The following SLCO2A1 variants were observed in gnomAD, a reference collection of about 807,000 sequenced individuals.
SLCO2A1 encodes the protein matrin F/G 1.
In SLCO2A1, 60 loss-of-function variants were observed where a neutral mutation model predicts 71.7. The ratio of observed to expected loss-of-function variants is 0.84; its 90% CI spans 0.68 to 1.04. The LOEUF is 1.04. Among genes scored for constraint, SLCO2A1 ranks in the 50% least tolerant of loss-of-function variants. The pLI, the probability that SLCO2A1 is intolerant of heterozygous loss-of-function variation, is 0.00. For missense variants in SLCO2A1, 745 were observed against 813.4 expected (o/e 0.92, Z 1.02); for synonymous variants, 308 against 326.7 (o/e 0.94, Z 0.62).
chr3:134,000,521 G>A (rs1275621461), intron 1 of SLCO2A1, among the ~76,000 whole-genome samples: 2 of 151,980 alleles, frequency 1.3e-5, no homozygotes, highest in South Asian at 2.1e-4. Flanking sequence ...TGGGGAAGGC[G>A]GTGCAGGGAG....
chr3:133,968,989 T>G (rs1934260342), intron 3 of SLCO2A1, among the ~76,000 whole-genome samples: 1 of 152,170 alleles, frequency 6.6e-6, no homozygotes, highest in South Asian at 2.1e-4. Flanking sequence ...CTTCTTTAAC[T>G]TTTTTTTCCT....
At chr3:133,997,816 A>G (rs1395423950) in intron 1 of SLCO2A1, among the ~76,000 whole-genome samples, 1 of 152,246 alleles carries the variant, frequency 6.6e-6, no homozygotes, top group African/African-American at 2.4e-5. Context: ...TTGTTGAGAG[A>G]CCTGAATTTG....
chr3:133,973,565 C>T, intron 3 of SLCO2A1, 98 bp downstream of exon 3: 2 of 1,272,968 alleles, frequency 1.6e-6, no homozygotes, highest in Non-Finnish European at 2.2e-6. Flanking sequence ...ATGCCCTCTT[C>T]CTGGAGTGGT....
chr3:134,008,262 T>C (rs997940114), intron 1 of SLCO2A1, among the ~76,000 whole-genome samples: 1 of 152,222 alleles, frequency 6.6e-6, no homozygotes, highest in African/African-American at 2.4e-5. Context: ...CTTTGTGACT[T>C]TGTATTTATT....
intron 3 of SLCO2A1, among the ~76,000 whole-genome samples, chr3:133,961,903 A>G (rs1934045437): frequency 6.6e-6 from 1 of 152,138 alleles, no homozygotes; most frequent in Non-Finnish European, 1.5e-5. Context: ...GGTCAGTGCT[A>G]TCAGAGAAGC....
chr3:133,993,526 T>C (rs1458070834), intron 1 of SLCO2A1, among the ~76,000 whole-genome samples: 5 of 152,298 alleles, frequency 3.3e-5, no homozygotes, highest in Non-Finnish European at 7.3e-5. Context: ...TGAGACAAGA[T>C]GAATTTTCCA....
intron 3 of SLCO2A1, among the ~76,000 whole-genome samples, chr3:133,968,236 T>A (rs140035252): frequency 1.3e-4 from 19 of 150,980 alleles, no homozygotes; most frequent in Non-Finnish European, 2.2e-4. Context: ...CCTCACCTAC[T>A]TAGCTTCCTA....
chr3:134,014,812 C>T (rs751760315), intron 1 of SLCO2A1, among the ~76,000 whole-genome samples: 1 of 152,144 alleles, frequency 6.6e-6, no homozygotes, highest in Non-Finnish European at 1.5e-5. Flanking sequence ...GGATATGTGG[C>T]ATTGGATGAG....
intron 2 of SLCO2A1, among the ~76,000 whole-genome samples, chr3:133,979,163 C>A (rs936787329): frequency 6.6e-6 from 1 of 152,206 alleles, no homozygotes; most frequent in African/African-American, 2.4e-5. Context: ...GAGCAAGCCA[C>A]TTGTACTCCT....
chr3:134,010,412 G>A (rs2108074208), intron 1 of SLCO2A1, among the ~76,000 whole-genome samples: 1 of 152,182 alleles, frequency 6.6e-6, no homozygotes, highest in South Asian at 2.1e-4. Context: ...GAGAGGGAGA[G>A]AGAGCAAGAG....
intron 3 of SLCO2A1, among the ~76,000 whole-genome samples, chr3:133,964,969 A>T (rs896764825): frequency 6.6e-6 from 1 of 152,232 alleles, no homozygotes; most frequent in Admixed American, 6.5e-5. Flanking sequence ...AAGGGAAGGA[A>T]GACATACCTG....
chr3:134,004,978 A>G (rs1935177801), intron 1 of SLCO2A1, among the ~76,000 whole-genome samples: 1 of 152,248 alleles, frequency 6.6e-6, no homozygotes, highest in Non-Finnish European at 1.5e-5. Flanking sequence ...TTTCCAGTGA[A>G]GGAAAACAGG....
intron 12 of SLCO2A1, among the ~76,000 whole-genome samples, chr3:133,937,152 A>G (rs556940985): frequency 6.6e-6 from 1 of 152,184 alleles, no homozygotes; most frequent in Non-Finnish European, 1.5e-5. Context: ...TGCTGGAGGA[A>G]GCAGGAAAGG....
In SLCO2A1 at chr3:133,955,018, C is replaced by T. The variant is rs1576432686; in HGVS notation, c.573G>A (p.Gly191=). 6.2e-7 allele frequency: 1 copy of T among 1,614,180 alleles called. No individual in the cohort carries two copies. Residue 191 remains glycine (G), a synonymous_variant, in exon 4 of 14, where the codon GGG becomes GGA. Coordinates refer to ENST00000310926, the MANE Select transcript of SLCO2A1 (RefSeq NM_005630.3). ...GIGTVPIQPF[G]ISYVDDFSEP... The stretch of plus-strand genomic sequence containing the variant: ...CTGAGAAGTCATCCACATAGGAGAT[C>T]CCAAATGGCTGAATAGGCACTGTCC...
intron 1 of SLCO2A1, among the ~76,000 whole-genome samples, chr3:134,027,185 GGGA>G (rs1427374967): frequency 1.3e-5 from 2 of 152,162 alleles, no homozygotes; most frequent in African/African-American, 4.8e-5. Context: ...AGGGGAATAA[GGGA>G]GGAGACCACC....
At chr3:133,940,930 T>C (rs562912843) in intron 11 of SLCO2A1, among the ~76,000 whole-genome samples, 6 of 152,180 alleles carry the variant, frequency 3.9e-5, no homozygotes, top group South Asian at 2.1e-4. Context: ...CTGCTCACCA[T>C]AGAAGTGGTG....
chr3:133,955,585 C>T (rs760472864), intron 3 of SLCO2A1, among the ~76,000 whole-genome samples: 8 of 152,116 alleles, frequency 5.3e-5, no homozygotes, highest in Non-Finnish European at 8.8e-5. Context: ...GGTCCAGGGT[C>T]AAAGCCCAGG....
intron 13 of SLCO2A1, 112 bp from the exon 14 acceptor site, chr3:133,934,942 G>A: frequency 2.5e-6 from 2 of 789,818 alleles, no homozygotes; most frequent in South Asian, 3.2e-5. Context: ...CGCGGAAGGT[G>A]TGGGCACCAT....
intron 3 of SLCO2A1, among the ~76,000 whole-genome samples, chr3:133,960,476 C>T (rs980643347): frequency 6.6e-6 from 1 of 152,178 alleles, no homozygotes; most frequent in African/African-American, 2.4e-5. Context: ...TGTGTGATTT[C>T]ACTGAGATGA....
Sources: allele counts gnomAD v4.1 joint callset (sites outside exome capture counted in the v4.1 genomes callset), GRCh38; gene constraint gnomAD v4.1.1; transcripts MANE v1.5; gene names NCBI Gene and HGNC (gene_info 2026-07-23, HGNC 2026-07-21).